ADAMTS19: variants seen among roughly 807,000 people sequenced by gnomAD.
ADAMTS19 encodes the protein A disintegrin and metalloproteinase with thrombospondin motifs 19.
A neutral mutation model predicts 153.3 loss-of-function variants in ADAMTS19; 93 were observed. The observed-to-expected ratio is 0.61, with a 90% CI of 0.51 to 0.72. The LOEUF (loss-of-function observed/expected upper bound fraction) is 0.72. Among genes scored for constraint, ADAMTS19 ranks in the 30% least tolerant of loss-of-function variants. ADAMTS19 has a pLI of 0.00. For missense variants in ADAMTS19, 1,482 were observed against 1,552.1 expected (o/e 0.95, Z 0.76); for synonymous variants, 600 against 556.6 (o/e 1.08, Z -1.10).
chr5:129,641,662 T>C (rs963327528), intron 10 of ADAMTS19, among the ~76,000 whole-genome samples, 197 bp from the exon 11 acceptor site: 1 of 152,154 alleles, frequency 6.6e-6, no homozygotes, highest in Non-Finnish European at 1.5e-5. Context: ...TTTCTATCAT[T>C]ATGTATCAAT....
intron 7 of ADAMTS19, among the ~76,000 whole-genome samples, chr5:129,577,987 GTCT>G (rs1241380600): frequency 1.4e-5 from 2 of 138,586 alleles, no homozygotes; most frequent in South Asian, 2.3e-4. Context: ...AGCTTTAATC[GTCT>G]TCTTTTTTTC....
At chr5:129,655,405 G>A (rs1160682729) in intron 14 of ADAMTS19, among the ~76,000 whole-genome samples, 2 of 152,140 alleles carry the variant, frequency 1.3e-5, no homozygotes, top group Non-Finnish European at 2.9e-5. Context: ...TCCAGAAGCA[G>A]GAAAGAAATA....
intron 21 of ADAMTS19, among the ~76,000 whole-genome samples, chr5:129,734,386 C>T (rs1017387497): frequency 1.3e-5 from 2 of 151,898 alleles, no homozygotes; most frequent in African/African-American, 4.8e-5. Flanking sequence ...ATCATCTAAT[C>T]TACCAAGAAA....
chr5:129,723,115 TTAG>T (rs1234642012), intron 21 of ADAMTS19, among the ~76,000 whole-genome samples: 5 of 152,170 alleles, frequency 3.3e-5, no homozygotes, highest in Non-Finnish European at 2.9e-5. Flanking sequence ...ATCATCTGTC[TTAG>T]TAGATATAAT....
rs781512651 is a variant in ADAMTS19 at position 129,679,868 on chromosome 5, C to T, written c.2611C>T (p.Leu871Phe). The T allele has an allele frequency of 8.7e-6, 14 of 1,613,998 alleles. No individual in the cohort carries two copies. Among genetic ancestry groups the T allele is most frequent in the Middle Eastern group, 1.7e-4 (1 of 6,058 alleles). The change falls in exon 17 of 23, where the codon CTC becomes TTC. Residue 871 changes from leucine (L) to phenylalanine (F), a missense_variant. By Grantham distance (22) the Leu-to-Phe change is conservative. Around this residue, in one of 2 missense-constraint regions of ADAMTS19, gnomAD observed 616 missense variants for 724.4 expected, o/e 0.85. Coordinates refer to ENST00000274487, the MANE Select transcript of ADAMTS19 (RefSeq NM_133638.6). Reference protein sequence around the residue: ...GTTVHYVRRGLWEKISAKGPT... With the variant: ...GTTVHYVRRGFWEKISAKGPT... ...TACCGTTCATTATGTAAGACGAGGCCTCTGGGAGAAGATCTCTGCCAAAGG... is the reference window on the plus strand; with the variant it reads ...TACCGTTCATTATGTAAGACGAGGCTTCTGGGAGAAGATCTCTGCCAAAGG...
intron 3 of ADAMTS19, among the ~76,000 whole-genome samples, chr5:129,525,761 G>C (rs967806473): frequency 6.6e-6 from 1 of 151,964 alleles, no homozygotes; most frequent in East Asian, 1.9e-4. Flanking sequence ...TATAGCTTCT[G>C]TAAGATCCTG....
At chr5:129,720,941 A>T (rs1441934363) in intron 21 of ADAMTS19, among the ~76,000 whole-genome samples, 1 of 152,162 alleles carries the variant, frequency 6.6e-6, no homozygotes, top group Non-Finnish European at 1.5e-5. Flanking sequence ...TGATTCATGA[A>T]TTTTCAGTGA....
chr5:129,608,116 G>GTGTGTGTATGTATATATATATA (rs377008786), intron 8 of ADAMTS19, among the ~76,000 whole-genome samples: 1 of 47,928 alleles, frequency 2.1e-5, no homozygotes, highest in African/African-American at 5.4e-5. Flanking sequence ...GTGTGTGTGT[G>GTGTGTGTATGTATATATATATA]TATATATATA....
At chr5:129,630,675 T>A (rs1752246481) in intron 10 of ADAMTS19, among the ~76,000 whole-genome samples, 1 of 152,052 alleles carries the variant, frequency 6.6e-6, no homozygotes. Flanking sequence ...ATATTTTTTT[T>A]AATAGGACAC....
chr5:129,649,647 T>C (rs1449797025), intron 13 of ADAMTS19, among the ~76,000 whole-genome samples: 1 of 152,044 alleles, frequency 6.6e-6, no homozygotes, highest in African/African-American at 2.4e-5. Flanking sequence ...AGACCTTGAT[T>C]GCGGCAGTGG....
intron 21 of ADAMTS19, among the ~76,000 whole-genome samples, chr5:129,710,626 C>G (rs556927773): frequency 6.6e-6 from 1 of 152,160 alleles, no homozygotes; most frequent in African/African-American, 2.4e-5. Context: ...GAAATAGGAA[C>G]ACCTTTACAC....
chr5:129,647,805 C>G lies in ADAMTS19; in HGVS notation c.1913C>G (p.Pro638Arg), dbSNP rs1753134402. 1 of 1,614,094 alleles carries G rather than the reference C, an allele frequency of 6.2e-7. No homozygotes were observed. The highest frequency in any genetic ancestry group is 8.5e-7 in the Non-Finnish European group (1 of 1,179,972). Residue 638 changes from proline to arginine, a missense_variant, in exon 12 of 23, where the codon CCT becomes CGT. Physicochemically the swap from Pro to Arg is moderately radical, Grantham distance 103. Transcript: ENST00000274487. ...GAATGTACCAGCAGGACCTCAGCAC[C>G]TGAACATCTGGCCGGAGAGTGGAGC... ...AGECTSRTSA[P>R]EHLAGEWSLW...
chr5:129,519,543 C>T lies in ADAMTS19; in HGVS notation c.914-6741C>T, dbSNP rs528197714. Among the ~76,000 whole-genome samples the T allele has an allele frequency of 2.0e-5, 3 of 152,030 alleles. No individual in the cohort carries two copies. The East Asian group carries it at 5.8e-4, about 30-fold the overall frequency. On this transcript the variant is annotated intron_variant, in intron 3 of 22. Coordinates refer to ENST00000274487, the MANE Select transcript of ADAMTS19 (RefSeq NM_133638.6). Reference sequence around the variant, plus strand: ...GTCTCTAGCACTTGCCTAAGAGTTGCAGTCCTTATGGCCTAGCCTGCCTTT... The same window carrying T: ...GTCTCTAGCACTTGCCTAAGAGTTGTAGTCCTTATGGCCTAGCCTGCCTTT...
intron 5 of ADAMTS19, among the ~76,000 whole-genome samples, chr5:129,528,094 T>G (rs1480797668): frequency 6.6e-6 from 1 of 151,902 alleles, no homozygotes; most frequent in Non-Finnish European, 1.5e-5. Context: ...TAAGTGACAG[T>G]TTTATTCTAT....
intron 5 of ADAMTS19, 61 bp downstream of exon 5, chr5:129,527,892 T>C (rs1233835022): frequency 1.9e-6 from 2 of 1,065,262 alleles, no homozygotes; most frequent in Non-Finnish European, 2.9e-6. Context: ...TCAGAAACTT[T>C]TAAGTAAAGG....
chr5:129,486,020 ACCTC>A (rs1301777487), intron 2 of ADAMTS19, among the ~76,000 whole-genome samples: 1 of 151,998 alleles, frequency 6.6e-6, no homozygotes, highest in Non-Finnish European at 1.5e-5. Flanking sequence ...CAAACTCCTG[ACCTC>A]AAGTGATCTG....
intron 6 of ADAMTS19, among the ~76,000 whole-genome samples, chr5:129,548,333 AAAAAC>A (rs1161110340): frequency 6.7e-6 from 1 of 150,330 alleles, no homozygotes; most frequent in African/African-American, 2.5e-5. Context: ...TTACAAAAAA[AAAAAC>A]AAACAACCCC....
intron 7 of ADAMTS19, among the ~76,000 whole-genome samples, chr5:129,575,579 G>A (rs781111166): frequency 5.9e-5 from 9 of 152,014 alleles, no homozygotes; most frequent in Non-Finnish European, 1.3e-4. Context: ...AAGTCATATA[G>A]AAAGTCTAAG....
chr5:129,692,453 C>T (rs1755378125), intron 18 of ADAMTS19, among the ~76,000 whole-genome samples: 1 of 152,152 alleles, frequency 6.6e-6, no homozygotes, highest in Non-Finnish European at 1.5e-5. Flanking sequence ...TACACTTATC[C>T]TTCTTGACCT....
Sources: allele counts gnomAD v4.1 joint callset (sites outside exome capture counted in the v4.1 genomes callset), GRCh38; gene constraint gnomAD v4.1.1; regional missense constraint gnomAD v4.1.1; transcripts MANE v1.5; gene names NCBI Gene and HGNC (gene_info 2026-07-23, HGNC 2026-07-21).